The following RBMS3 variants were observed in gnomAD, a reference collection of about 807,000 sequenced individuals.
The protein encoded by RBMS3 is RNA-binding motif, single-stranded-interacting protein 3.
Under a neutral mutation model 66.8 loss-of-function variants are expected in RBMS3, and 27 were observed. That is an observed-to-expected ratio of 0.40 (90% CI 0.30 to 0.56). The LOEUF is 0.56. Among genes scored for constraint, RBMS3 ranks in the 20% least tolerant of loss-of-function variants. The probability of loss-of-function intolerance (pLI) is 0.40; values close to 1 mark genes in which losing one functional copy is unlikely to be tolerated. For missense variants in RBMS3, 513 were observed against 549.5 expected, an observed-to-expected ratio of 0.93 and a Z score of 0.66; for synonymous variants, 188 against 183.0, an observed-to-expected ratio of 1.03 and a Z score of -0.22.
intron 4 of RBMS3, among the ~76,000 whole-genome samples, chr3:29,588,241 T>C (rs965520536): frequency 6.6e-6 from 1 of 152,104 alleles, no homozygotes; most frequent in Non-Finnish European, 1.5e-5. Flanking sequence ...AAATATTCTT[T>C]CTGATTGATA....
rs140758514 is a variant in RBMS3, at chr3:29,991,264, C to T, written c.1307+55C>T. 6.0e-3 allele frequency: 9,660 copies of T among 1,611,838 alleles called. 41 individuals are homozygous for T. Among genetic ancestry groups the T allele is most frequent in the Non-Finnish European group, 7.3e-3 (8,558 of 1,178,858 alleles). ...CTCAAGATCAGCCATCTTGACATCACTCTCTCATGTTGTATGTGTTAGCTT... is the reference window on the plus strand; with the variant it reads ...CTCAAGATCAGCCATCTTGACATCATTCTCTCATGTTGTATGTGTTAGCTT... On this transcript the variant is annotated intron_variant, in intron 14 of 14. Coordinates refer to ENST00000383767, the MANE Select transcript of RBMS3 (RefSeq NM_001003793.3).
chr3:29,912,061 G>A (rs2060530545), intron 10 of RBMS3, among the ~76,000 whole-genome samples: 1 of 151,962 alleles, frequency 6.6e-6, no homozygotes, highest in Admixed American at 6.6e-5. Context: ...GGGAAGGATG[G>A]ATGCAGGGAT....
chr3:29,602,320 G>T (rs558971190), intron 4 of RBMS3, among the ~76,000 whole-genome samples: 2 of 152,100 alleles, frequency 1.3e-5, no homozygotes, highest in South Asian at 4.1e-4. Flanking sequence ...TTCAGTCTTG[G>T]CAATCAAGGC....
chr3:29,954,412 C>T (rs1041874697), intron 12 of RBMS3, among the ~76,000 whole-genome samples: 3 of 151,864 alleles, frequency 2.0e-5, no homozygotes, highest in African/African-American at 7.2e-5. Context: ...GCAGACTTCC[C>T]TAGGGTTCAA....
rs538825255 is a variant in RBMS3 at position 29,697,165 on chromosome 3, A to T, written c.400-42555A>T. On this transcript the variant is annotated intron_variant, in intron 4 of 14. Coordinates refer to ENST00000383767, the MANE Select transcript of RBMS3 (RefSeq NM_001003793.3). ...ACAGTAATATGGATCTAAGTTTGGGAAAATTTTAATGGAATCTTCCTGAAC... is the reference window on the plus strand; with the variant it reads ...ACAGTAATATGGATCTAAGTTTGGGTAAATTTTAATGGAATCTTCCTGAAC... The T allele has an allele frequency of 6.5e-6, 6 of 923,378 alleles. No individual in the cohort carries two copies. In the African/African-American group the frequency reaches 1.1e-4, roughly 17 times the overall value. The allele number at this position is 923,378 out of a possible 1,614,324, so 57.2% of individuals were successfully genotyped here.
chr3:29,884,477 C>CA (rs2059821801), intron 8 of RBMS3, among the ~76,000 whole-genome samples: 3 of 117,876 alleles, frequency 2.5e-5, no homozygotes, highest in East Asian at 2.6e-4. Flanking sequence ...TCTCCCCCCC[C>CA]GCTCCCTCCC....
intron 5 of RBMS3, among the ~76,000 whole-genome samples, chr3:29,748,794 A>G (rs2055044880): frequency 6.6e-6 from 1 of 152,174 alleles, no homozygotes; most frequent in African/African-American, 2.4e-5. Flanking sequence ...AACTAAAAGC[A>G]TTTTGACTCC....
chr3:29,919,506 T>G (rs1002927536), intron 10 of RBMS3, among the ~76,000 whole-genome samples: 1 of 152,248 alleles, frequency 6.6e-6, no homozygotes, highest in African/African-American at 2.4e-5. Context: ...GTGAACTTTG[T>G]GAAGTCAATC....
chr3:29,514,658 T>TATATATATATATATATAC (rs1467473930), intron 3 of RBMS3, among the ~76,000 whole-genome samples: 30 of 142,038 alleles, frequency 2.1e-4, no homozygotes, highest in African/African-American at 7.5e-4. Context: ...CACATATATA[T>TATATATATATATATATAC]ATATATATAT....
chr3:29,904,243 A>G (rs2060322753), intron 10 of RBMS3, among the ~76,000 whole-genome samples: 2 of 152,038 alleles, frequency 1.3e-5, no homozygotes, highest in African/African-American at 4.8e-5. Context: ...TATAGAGTAT[A>G]AAAGATTTTC....
intron 3 of RBMS3, among the ~76,000 whole-genome samples, chr3:29,585,140 A>T (rs2047469263): frequency 6.6e-6 from 1 of 152,104 alleles, no homozygotes; most frequent in South Asian, 2.1e-4. Context: ...AGTGCCTGAA[A>T]TAGAACTTTA....
rs201650644 is a variant in RBMS3 at position 29,625,697 on chromosome 3, A to AAAGTAAGTAAGTAAGT, written c.399+38498_399+38499insGTAAGTAAGTAAGTAA. On this transcript the variant is annotated intron_variant, in intron 4 of 14. Coordinates refer to ENST00000383767, the MANE Select transcript of RBMS3 (RefSeq NM_001003793.3). ...TGGGCAAAAAGAGTGAAACGCCATT[A>AAAGTAAGTAAGTAAGT]AAGTAAATAAATAAATAAATAAATA... is the stretch of plus-strand genomic sequence containing the variant. Among the ~76,000 whole-genome samples the AAAGTAAGTAAGTAAGT allele has an allele frequency of 2.0e-3, 253 of 125,014 alleles. 3 individuals are homozygous for AAAGTAAGTAAGTAAGT. The highest frequency in any genetic ancestry group is 6.9e-3 in the East Asian group (30 of 4,344). 82.0% of individuals were successfully genotyped at this position (125,014 alleles called of 152,430 possible).
chr3:29,981,767 A>G (rs1030557373), intron 12 of RBMS3, among the ~76,000 whole-genome samples: 2 of 152,186 alleles, frequency 1.3e-5, no homozygotes, highest in African/African-American at 4.8e-5. Context: ...CTTGCATCCC[A>G]GGGATGTAGC....
chr3:29,460,750 C>T (rs576462760), intron 2 of RBMS3, among the ~76,000 whole-genome samples: 1 of 152,258 alleles, frequency 6.6e-6, no homozygotes, highest in African/African-American at 2.4e-5. Flanking sequence ...TAATGTGCTT[C>T]GCAGCCCTCT....
At position 29,573,446 on chromosome 3, in the gene RBMS3, T is replaced by A. The variant is rs2047007847; in HGVS notation, c.308-13668T>A. Among the ~76,000 whole-genome samples, 7 of 152,278 alleles carry A rather than the reference T, an allele frequency of 4.6e-5. No individual in the cohort carries two copies. The South Asian group carries it at 1.4e-3, about 32-fold the overall frequency. On this transcript the variant is annotated intron_variant, in intron 3 of 14. Coordinates refer to ENST00000383767, the MANE Select transcript of RBMS3 (RefSeq NM_001003793.3). ...TTTTCATCTCTTATTTATTTCTTTA[T>A]TTAGGTTGTCTTCCTTTTTTTTCTT... is the stretch of plus-strand genomic sequence containing the variant.
chr3:29,650,639 CCAAAGTGTCA>C (rs2050113743), intron 4 of RBMS3, among the ~76,000 whole-genome samples: 2 of 152,088 alleles, frequency 1.3e-5, no homozygotes, highest in African/African-American at 4.8e-5. Flanking sequence ...ATTGTGGCAG[CCAAAGTGTCA>C]CTTATATGTA....
At chr3:29,943,397 T>C (rs2061436882) in intron 11 of RBMS3, among the ~76,000 whole-genome samples, 1 of 151,824 alleles carries the variant, frequency 6.6e-6, no homozygotes, top group Admixed American at 6.6e-5. Context: ...CATATTCCAA[T>C]CTCCTTTTTA....
In RBMS3 at chr3:29,684,916, T is replaced by G. The variant is rs773453260; in HGVS notation, c.400-54804T>G. On this transcript the variant is annotated intron_variant, in intron 4 of 14. Coordinates refer to ENST00000383767, the MANE Select transcript of RBMS3 (RefSeq NM_001003793.3). ...ATTGATGAACACAAACAGAATTCTG[T>G]TTGGTTTATGTTGCATGTTTTATTG... Among the ~76,000 whole-genome samples, 199 of 152,084 alleles carry G rather than the reference T, an allele frequency of 1.3e-3. 1 individual carries two copies. Among genetic ancestry groups the G allele is most frequent in the Non-Finnish European group, 1.4e-3 (95 of 68,002 alleles).
At chr3:29,802,407 A>G (rs2057418628) in intron 6 of RBMS3, among the ~76,000 whole-genome samples, 1 of 152,202 alleles carries the variant, frequency 6.6e-6, no homozygotes, top group African/African-American at 2.4e-5. Flanking sequence ...TATTGTGTGT[A>G]TAACATAACC....
Sources: gnomAD v4.1 joint callset for allele counts (sites outside exome capture counted in the v4.1 genomes callset) on GRCh38, gnomAD v4.1.1 for gene constraint, MANE v1.5 for transcripts, NCBI Gene and HGNC (gene_info 2026-07-23, HGNC 2026-07-21) for gene names.